Variants in FAM227B observed in about 807,000 individuals in gnomAD.
The protein encoded by FAM227B is family with sequence similarity 227 member B, also known as protein FAM227B.
A neutral mutation model predicts 73.8 loss-of-function variants in FAM227B; 88 were observed. That is an observed-to-expected ratio of 1.19 (90% confidence interval 1.00 to 1.42). The LOEUF (loss-of-function observed/expected upper bound fraction) is 1.42. Ranked by LOEUF, FAM227B falls within the 40% of genes most tolerant of loss-of-function variation. The pLI is 0.00. For synonymous variants in FAM227B, 210 were observed against 190.5 expected (o/e 1.10, Z -0.84); for missense variants, 632 against 590.9 (o/e 1.07, Z -0.72).
chr15:49,537,460 C>G (rs1416058066), intron 10 of FAM227B, among the ~76,000 whole-genome samples: 1 of 152,062 alleles, frequency 6.6e-6, no homozygotes, highest in African/African-American at 2.4e-5. Flanking sequence ...TTGTACACTA[C>G]TGGTAAGAAT....
At chr15:49,464,499 T>C (rs2054087864) in intron 11 of FAM227B, among the ~76,000 whole-genome samples, 5 of 152,162 alleles carry the variant, frequency 3.3e-5, no homozygotes, top group African/African-American at 9.7e-5. Context: ...ACTAAGCTAA[T>C]GATGATAAAA....
At chr15:49,431,740 T>A (rs1457187713) in intron 11 of FAM227B, among the ~76,000 whole-genome samples, 2 of 151,756 alleles carry the variant, frequency 1.3e-5, no homozygotes, top group Non-Finnish European at 2.9e-5. Context: ...AAAAAGACTT[T>A]ACATAAAAAT....
intron 11 of FAM227B, among the ~76,000 whole-genome samples, chr15:49,476,826 G>A (rs1295588358): frequency 2.6e-5 from 4 of 152,136 alleles, no homozygotes; most frequent in Non-Finnish European, 4.4e-5. Context: ...TTGGGAGGCT[G>A]AGGTGGGCAG....
intron 9 of FAM227B, among the ~76,000 whole-genome samples, chr15:49,543,596 G>C (rs748683737): frequency 6.6e-6 from 1 of 152,102 alleles, no homozygotes. Context: ...ATGTCTAGAA[G>C]AGTTTTTTCA....
intron 11 of FAM227B, among the ~76,000 whole-genome samples, chr15:49,450,836 G>A (rs2151883325): frequency 6.6e-6 from 1 of 152,216 alleles, no homozygotes; most frequent in South Asian, 2.1e-4. Flanking sequence ...GGATAGCTTA[G>A]GTTTTTTGTC....
At chr15:49,452,301 C>A (rs1350895516) in intron 11 of FAM227B, among the ~76,000 whole-genome samples, 2 of 152,144 alleles carry the variant, frequency 1.3e-5, no homozygotes, top group Non-Finnish European at 2.9e-5. Context: ...TATCTGCCTG[C>A]CTTGGCTTCC....
At chr15:49,436,063 A>T (rs2051077430) in intron 11 of FAM227B, among the ~76,000 whole-genome samples, 1 of 151,340 alleles carries the variant, frequency 6.6e-6, no homozygotes, top group Non-Finnish European at 1.5e-5. Flanking sequence ...TTCACGGAAG[A>T]AAAAAAAGAC....
chr15:49,606,907 A>G (rs535729467), intron 3 of FAM227B, among the ~76,000 whole-genome samples: 59 of 152,388 alleles, frequency 3.9e-4, no homozygotes, highest in African/African-American at 1.4e-3. Flanking sequence ...ATCTTTTAAT[A>G]TAACCAAATA....
chr15:49,541,134 T>C (rs1259013573), intron 10 of FAM227B, among the ~76,000 whole-genome samples: 1 of 152,112 alleles, frequency 6.6e-6, no homozygotes, highest in Non-Finnish European at 1.5e-5. Context: ...TCTAGGAACA[T>C]GAAACTATAT....
chr15:49,474,548 T>TA (rs1328227828), intron 11 of FAM227B, among the ~76,000 whole-genome samples: 1 of 151,732 alleles, frequency 6.6e-6, no homozygotes, highest in Non-Finnish European at 1.5e-5. Context: ...GAGGCATCAG[T>TA]AAAAAAAGGA....
intron 10 of FAM227B, among the ~76,000 whole-genome samples, chr15:49,518,729 T>C (rs2059563777): frequency 6.6e-6 from 1 of 152,098 alleles, no homozygotes; most frequent in Admixed American, 6.5e-5. Flanking sequence ...CCATAACACA[T>C]GGGGATTATG....
intron 1 of FAM227B, among the ~76,000 whole-genome samples, chr15:49,618,636 A>C (rs1360414634): frequency 6.6e-6 from 1 of 152,222 alleles, no homozygotes; most frequent in African/African-American, 2.4e-5. Flanking sequence ...AGAAGAGTGT[A>C]TGAGGTAGAG....
At chr15:49,344,844 C>T (rs898142484) in intron 13 of FAM227B, among the ~76,000 whole-genome samples, 6 of 152,130 alleles carry the variant, frequency 3.9e-5, no homozygotes, top group Admixed American at 3.3e-4. Flanking sequence ...TTTTAATGCC[C>T]GTCTTACTCC....
At chr15:49,500,100 A>T (rs2058015568) in intron 11 of FAM227B, among the ~76,000 whole-genome samples, 1 of 152,220 alleles carries the variant, frequency 6.6e-6, no homozygotes. Flanking sequence ...ATGTATCTGA[A>T]AAAGGACCTG....
At chr15:49,391,905 T>G (rs541962686) in intron 11 of FAM227B, among the ~76,000 whole-genome samples, 1 of 152,294 alleles carries the variant, frequency 6.6e-6, no homozygotes, top group East Asian at 1.9e-4. Context: ...TTCTCCTTGC[T>G]TGGCACCCTG....
intron 11 of FAM227B, among the ~76,000 whole-genome samples, chr15:49,450,107 T>C (rs1303085326): frequency 6.6e-6 from 1 of 152,118 alleles, no homozygotes; most frequent in Non-Finnish European, 1.5e-5. Flanking sequence ...AACGGAGTTG[T>C]GGAATAAACA....
At position 49,588,080 on chromosome 15, in the gene FAM227B, G is replaced by A. The variant is rs2076280604; in HGVS notation, c.341C>T (p.Ser114Phe). The change falls in exon 5 of 16, where the codon TCT becomes TTT. Residue 114 changes from serine (S) to phenylalanine (F), a missense_variant. Ser to Phe is a radical substitution (Grantham distance 155). Coordinates refer to ENST00000299338, the MANE Select transcript of FAM227B (RefSeq NM_152647.3). ...KWKSMISETS[S>F]YRKLERYGEF... ...CCCATATCGTTCCAATTTTCTATAAGAACCTTTAAGAAAATAAGAATTCAC... is the reference window on the plus strand; with the variant it reads ...CCCATATCGTTCCAATTTTCTATAAAAACCTTTAAGAAAATAAGAATTCAC... 3 of 1,393,306 alleles carry A rather than the reference G, an allele frequency of 2.2e-6. No individual in the cohort carries two copies. The highest frequency in any genetic ancestry group is 2.5e-5 in the Admixed American group (1 of 39,980). The allele number at this position is 1,393,306 out of a possible 1,614,324, so 86.3% of individuals were successfully genotyped here. A position where few individuals can be genotyped will look rare whatever the true frequency, so the allele number is the denominator to read the frequency against.
chr15:49,616,604 T>C (rs1866365341), intron 1 of FAM227B, among the ~76,000 whole-genome samples: 1 of 152,168 alleles, frequency 6.6e-6, no homozygotes, highest in African/African-American at 2.4e-5. Flanking sequence ...TGATGGCACC[T>C]TGGTCTTGGA....
At chr15:49,588,675 TATTTC>T (rs1351176412) in intron 4 of FAM227B, among the ~76,000 whole-genome samples, 3 of 147,976 alleles carry the variant, frequency 2.0e-5, no homozygotes, top group Non-Finnish European at 4.5e-5. Flanking sequence ...GTGGGTATTT[TATTTC>T]ATTACAAGAC....
Sources: gnomAD v4.1 joint callset for allele counts (sites outside exome capture counted in the v4.1 genomes callset) on GRCh38, gnomAD v4.1.1 for gene constraint, MANE v1.5 for transcripts, NCBI Gene and HGNC (gene_info 2026-07-23, HGNC 2026-07-21) for gene names.